Variants in DNAJB6 observed in about 807,000 individuals in gnomAD.
DNAJB6 encodes DnaJ heat shock protein family (Hsp40) member B6.
Under a neutral mutation model 42.7 loss-of-function variants are expected in DNAJB6, and 16 were observed. That is an observed-to-expected ratio of 0.37 (90% CI 0.25 to 0.57). DNAJB6 has a LOEUF of 0.57. Among genes scored for constraint, DNAJB6 ranks in the 20% least tolerant of loss-of-function variants. DNAJB6 has a pLI of 0.74. For missense variants in DNAJB6, 347 were observed against 416.8 expected (o/e 0.83, Z 1.46); for synonymous variants, 170 against 163.5 (o/e 1.04, Z -0.30).
intron 1 of DNAJB6, among the ~76,000 whole-genome samples, chr7:157,352,369 T>TC (rs1370922563): frequency 1.3e-5 from 2 of 152,018 alleles, no homozygotes; most frequent in African/African-American, 4.8e-5. Flanking sequence ...TCTTTTTTAC[T>TC]CCAAGTAAGC....
At chr7:157,387,360 G>A (rs977547081) in intron 8 of DNAJB6, among the ~76,000 whole-genome samples, 4 of 152,184 alleles carry the variant, frequency 2.6e-5, no homozygotes, top group South Asian at 4.1e-4. Flanking sequence ...CATGGCACGT[G>A]CGGGAAAGCG....
intron 8 of DNAJB6, among the ~76,000 whole-genome samples, chr7:157,390,422 G>C (rs1201799325): frequency 5.3e-5 from 8 of 152,200 alleles, no homozygotes; most frequent in Non-Finnish European, 1.2e-4. Flanking sequence ...ACAGGGCAGC[G>C]CTGTCATCCC....
chr7:157,388,169 C>T (rs1172064198), intron 8 of DNAJB6, among the ~76,000 whole-genome samples: 2 of 152,164 alleles, frequency 1.3e-5, no homozygotes, highest in Admixed American at 1.3e-4. Flanking sequence ...TTATTCTGTT[C>T]TTCCATTGAT....
chr7:157,398,741 C>G (rs1197740602), intron 8 of DNAJB6, among the ~76,000 whole-genome samples: 1 of 152,194 alleles, frequency 6.6e-6, no homozygotes, highest in Non-Finnish European at 1.5e-5. Flanking sequence ...TCTGTTGTAA[C>G]CAGCCTACAT....
At chr7:157,396,696 G>A (rs1025606733) in intron 8 of DNAJB6, among the ~76,000 whole-genome samples, 2 of 152,174 alleles carry the variant, frequency 1.3e-5, no homozygotes, top group African/African-American at 4.8e-5. Flanking sequence ...CATGACCAAA[G>A]GCTGTAATTT....
chr7:157,363,633 C>T (rs886211852), intron 3 of DNAJB6, among the ~76,000 whole-genome samples: 3 of 152,148 alleles, frequency 2.0e-5, no homozygotes, highest in Non-Finnish European at 2.9e-5. Context: ...CTTGCTCACC[C>T]CCACTGGCTT....
intron 8 of DNAJB6, among the ~76,000 whole-genome samples, chr7:157,400,249 C>CACTT (rs1584942567): frequency 4.3e-5 from 6 of 140,536 alleles, no homozygotes; most frequent in Admixed American, 1.4e-4. Context: ...TATGTGCTCG[C>CACTT]GTCTAGGGAG....
chr7:157,405,704 G>A (rs767767909), intron 8 of DNAJB6, among the ~76,000 whole-genome samples: 3 of 152,156 alleles, frequency 2.0e-5, no homozygotes, highest in Admixed American at 6.5e-5. Context: ...AATTAAACCC[G>A]AACCTCAGGG....
intron 5 of DNAJB6, among the ~76,000 whole-genome samples, chr7:157,374,999 C>G (rs940602506): frequency 1.3e-5 from 2 of 152,168 alleles, no homozygotes; most frequent in Non-Finnish European, 2.9e-5. Context: ...AACTTGTGGA[C>G]AACTCCAGAG....
rs144256430 is a variant in DNAJB6, at chr7:157,377,295, C to T, written c.347-4951C>T. On this transcript the variant is annotated intron_variant, in intron 5 of 9. Coordinates refer to ENST00000262177, the MANE Select transcript of DNAJB6 (RefSeq NM_058246.4). ...CAAATGGTTTGTAGGGCATGACTCCCCAGACCCCTTAGGTAGGAATTTGGG... is the reference window on the plus strand; with the variant it reads ...CAAATGGTTTGTAGGGCATGACTCCTCAGACCCCTTAGGTAGGAATTTGGG... Among the ~76,000 whole-genome samples the T allele has an allele frequency of 1.8e-4, 28 of 152,236 alleles. No homozygotes were observed. In the East Asian group the frequency reaches 5.0e-3, roughly 27 times the overall value.
intron 1 of DNAJB6, chr7:157,337,555 A>G (rs1798110114): frequency 6.6e-6 from 1 of 152,168 alleles, no homozygotes; most frequent in Non-Finnish European, 1.5e-5. Flanking sequence ...TCGCGTCTGA[A>G]ACCAGAAACG....
chr7:157,370,513 G>T (rs1485615926), intron 5 of DNAJB6, among the ~76,000 whole-genome samples: 3 of 152,114 alleles, frequency 2.0e-5, no homozygotes, highest in African/African-American at 7.2e-5. Flanking sequence ...GCTAATTTTT[G>T]TTTTCCTTGG....
At chr7:157,408,698 T>G (rs1795857705) in intron 8 of DNAJB6, among the ~76,000 whole-genome samples, 1 of 152,232 alleles carries the variant, frequency 6.6e-6, no homozygotes, top group South Asian at 2.1e-4. Context: ...CACTCAGCAC[T>G]GGAAGTGGTG....
At chr7:157,398,556 C>T (rs183056642) in intron 8 of DNAJB6, among the ~76,000 whole-genome samples, 8 of 152,326 alleles carry the variant, frequency 5.3e-5, no homozygotes, top group South Asian at 4.1e-4. Context: ...TGGCCATGCC[C>T]GCGCGGCAGC....
chr7:157,380,969 C>G (rs1403351868), intron 5 of DNAJB6: 1 of 151,512 alleles, frequency 6.6e-6, no homozygotes, highest in Non-Finnish European at 1.5e-5. Flanking sequence ...TCAGAGTCAA[C>G]CTCAGGTGCT....
intron 6 of DNAJB6, among the ~76,000 whole-genome samples, chr7:157,383,991 G>A (rs1800922417): frequency 6.6e-6 from 1 of 152,074 alleles, no homozygotes; most frequent in Non-Finnish European, 1.5e-5. Flanking sequence ...AACATACCTG[G>A]TTCACATATT....
chr7:157,373,200 A>G (rs1452043259), intron 5 of DNAJB6, among the ~76,000 whole-genome samples: 18 of 152,076 alleles, frequency 1.2e-4, no homozygotes. Context: ...GGGGATTAGG[A>G]CTCTAATTTA....
chr7:157,369,868 A>ATTATTATTAAACAGGCCTTTCATAACG (rs1458880963), intron 5 of DNAJB6, among the ~76,000 whole-genome samples: 8 of 150,042 alleles, frequency 5.3e-5, no homozygotes, highest in African/African-American at 1.7e-4. Context: ...CCTTCTTCAC[A>ATTATTATTAAACAGGCCTTTCATAACG]TTATTATTAA....
intron 2 of DNAJB6, among the ~76,000 whole-genome samples, 164 bp from the exon 3 acceptor site, chr7:157,362,997 T>C (rs920512222): frequency 6.6e-6 from 1 of 152,180 alleles, no homozygotes; most frequent in Non-Finnish European, 1.5e-5. Context: ...TTTAGAACTT[T>C]GTGTATTTCA....
Sources: allele counts gnomAD v4.1 joint callset (sites outside exome capture counted in the v4.1 genomes callset), GRCh38; gene constraint gnomAD v4.1.1; transcripts MANE v1.5; gene names NCBI Gene and HGNC (gene_info 2026-07-23, HGNC 2026-07-21).